Variants in CHRM5 observed in about 807,000 individuals in gnomAD.
CHRM5 encodes the protein cholinergic receptor muscarinic 5.
Under a neutral mutation model 39.0 loss-of-function variants are expected in CHRM5, and 18 were observed. That is an observed-to-expected ratio of 0.46 (90% CI 0.32 to 0.68). CHRM5 has a LOEUF of 0.68. Ranked by LOEUF, CHRM5 falls within the 30% of genes least tolerant of loss-of-function variation. The pLI, the probability that CHRM5 is intolerant of heterozygous loss-of-function variation, is 0.04. For synonymous variants in CHRM5, 241 were observed against 246.3 expected, an observed-to-expected ratio of 0.98 and a Z score of 0.20; for missense variants, 515 against 651.1, an observed-to-expected ratio of 0.79 and a Z score of 2.28.
chr15:34,040,039 A>G (rs1356931996), intron 1 of CHRM5, among the ~76,000 whole-genome samples: 48 of 152,238 alleles, frequency 3.2e-4, no homozygotes, highest in Admixed American at 3.1e-3. Flanking sequence ...GCCTAGCAGA[A>G]TAAGTGTTTT....
At chr15:34,007,151 C>A (rs527839828) in intron 1 of CHRM5, 1 of 592,970 alleles carries the variant, frequency 1.7e-6, no homozygotes, top group Non-Finnish European at 2.1e-6. Context: ...GAGCTATTAT[C>A]TTGTCCAATG....
At chr15:34,006,965 A>C (rs1465524678) in intron 1 of CHRM5, 1 of 652,708 alleles carries the variant, frequency 1.5e-6, no homozygotes, top group Non-Finnish European at 1.9e-6. Context: ...AACAAGGTGA[A>C]AACTATAAAG....
At chr15:34,029,522 A>G (rs1163070714) in intron 1 of CHRM5, among the ~76,000 whole-genome samples, 1 of 83,562 alleles carries the variant, frequency 1.2e-5, no homozygotes, top group Non-Finnish European at 2.7e-5. Flanking sequence ...TTCTACAAAA[A>G]AAAAAAAAAA....
chr15:34,062,646 C>T lies in CHRM5; in HGVS notation c.-72C>T. 1 of 1,429,960 alleles carries T rather than the reference C, an allele frequency of 7.0e-7. No individual in the cohort carries two copies. Among genetic ancestry groups the T allele is most frequent in the Non-Finnish European group, 9.5e-7 (1 of 1,050,764 alleles). 88.6% of individuals were successfully genotyped at this position (1,429,960 alleles called of 1,614,324 possible). On this transcript the variant is annotated 5_prime_UTR_variant, in exon 3 of 3. Transcript: ENST00000383263. ...AATGTGTTTCCCTCTCTTCCAGATG[C>T]TGGCCAAGAAGAGCTGAAATAGAAA...
At chr15:33,973,622 G>A (rs990646938) in intron 1 of CHRM5, among the ~76,000 whole-genome samples, 5 of 152,078 alleles carry the variant, frequency 3.3e-5, no homozygotes, top group Non-Finnish European at 5.9e-5. Flanking sequence ...CTGGAGGATC[G>A]CTTGAGGCCA....
chr15:34,038,824 TGCCTCGCGGGGC>T, intron 1 of CHRM5: 8 of 1,190,832 alleles, frequency 6.7e-6, no homozygotes, highest in Non-Finnish European at 6.2e-6. Context: ...TCCCGGCGGC[TGCCTCGCGGGGC>T]GCCTCCTCCT....
At chr15:34,040,453 A>G (rs1304819946) in intron 1 of CHRM5, among the ~76,000 whole-genome samples, 4 of 152,128 alleles carry the variant, frequency 2.6e-5, no homozygotes, top group African/African-American at 9.7e-5. Context: ...AGGATTGTCA[A>G]CTCCAGAGAA....
intron 2 of CHRM5, among the ~76,000 whole-genome samples, chr15:34,048,760 A>C (rs1369341590): frequency 6.6e-6 from 1 of 152,166 alleles, no homozygotes; most frequent in Non-Finnish European, 1.5e-5. Context: ...GACACCTCCC[A>C]AAAGGAGTCT....
intron 1 of CHRM5, among the ~76,000 whole-genome samples, chr15:34,033,628 CATTT>C (rs951048971): frequency 2.6e-5 from 4 of 151,988 alleles, no homozygotes; most frequent in African/African-American, 9.7e-5. Flanking sequence ...TTTAAGTCAA[CATTT>C]ATTACAGGAA....
intron 1 of CHRM5, among the ~76,000 whole-genome samples, chr15:34,035,483 A>G (rs945075226): frequency 6.6e-6 from 1 of 152,188 alleles, no homozygotes; most frequent in African/African-American, 2.4e-5. Flanking sequence ...GCAGCAGTCG[A>G]AAGAACAGGC....
At chr15:34,033,916 T>C (rs1344207420) in intron 1 of CHRM5, among the ~76,000 whole-genome samples, 2 of 152,036 alleles carry the variant, frequency 1.3e-5, no homozygotes, top group Non-Finnish European at 2.9e-5. Flanking sequence ...GCCTCCCAAG[T>C]AGCTGGGATT....
intron 1 of CHRM5, among the ~76,000 whole-genome samples, chr15:34,013,413 C>G (rs973884211): frequency 6.6e-6 from 1 of 152,094 alleles, no homozygotes; most frequent in Non-Finnish European, 1.5e-5. Flanking sequence ...TAGTTCCTTC[C>G]CAGGATAAAC....
At chr15:34,034,446 T>TTA (rs1899022604) in intron 1 of CHRM5, among the ~76,000 whole-genome samples, 2 of 143,722 alleles carry the variant, frequency 1.4e-5, no homozygotes, top group Non-Finnish European at 3.0e-5. Context: ...GTTTCTTTTT[T>TTA]AAAAAAAAAA....
At position 34,038,945 on chromosome 15, in the gene CHRM5, CGCCGCTGCGGCTCCGG is replaced by C. The variant is rs1307994947; in HGVS notation, c.-407-7588_-407-7573del. 3.6e-6 allele frequency: 4 copies of C among 1,101,178 alleles called. No homozygotes were observed. The African/African-American group carries it at 7.1e-5, about 20-fold the overall frequency. 68.2% of individuals were successfully genotyped at this position (1,101,178 alleles called of 1,614,324 possible). On this transcript the variant is annotated intron_variant, in intron 1 of 2. Transcript: ENST00000383263. ...CGCCTCCGCCGCCGCCTCTGGCTAC[CGCCGCTGCGGCTCCGG>C]GCCGCTCGCTGTGGCGATCTCCGCC...
At chr15:33,977,339 A>T (rs1289296063) in intron 1 of CHRM5, among the ~76,000 whole-genome samples, 1 of 152,224 alleles carries the variant, frequency 6.6e-6, no homozygotes, top group Non-Finnish European at 1.5e-5. Context: ...TTAGCACTTC[A>T]ACAAAGCAGA....
At chr15:33,982,950 C>T (rs1303919353) in intron 1 of CHRM5, among the ~76,000 whole-genome samples, 2 of 151,880 alleles carry the variant, frequency 1.3e-5, no homozygotes, top group Non-Finnish European at 2.9e-5. Flanking sequence ...CTCCTTCCTA[C>T]CCATCAACTC....
At chr15:33,980,416 A>C (rs939873140) in intron 1 of CHRM5, among the ~76,000 whole-genome samples, 1 of 152,186 alleles carries the variant, frequency 6.6e-6, no homozygotes, top group African/African-American at 2.4e-5. Flanking sequence ...CAAGGCTGTT[A>C]TAGTACCGTC....
At chr15:34,024,341 G>A (rs758146824) in intron 1 of CHRM5, among the ~76,000 whole-genome samples, 3 of 151,934 alleles carry the variant, frequency 2.0e-5, no homozygotes, top group Non-Finnish European at 4.4e-5. Flanking sequence ...AGTGATGGGC[G>A]GCAATCTCTA....
chr15:34,061,765 G>T (rs1247702996), intron 2 of CHRM5, among the ~76,000 whole-genome samples: 2 of 152,132 alleles, frequency 1.3e-5, no homozygotes, highest in African/African-American at 4.8e-5. Flanking sequence ...AGCAGCTGGG[G>T]CAAATGTAAA....
Sources: allele counts gnomAD v4.1 joint callset (sites outside exome capture counted in the v4.1 genomes callset), GRCh38; gene constraint gnomAD v4.1.1; transcripts MANE v1.5; gene names NCBI Gene and HGNC (gene_info 2026-07-23, HGNC 2026-07-21).